PDZRN4: variants seen among roughly 807,000 people sequenced by gnomAD.
PDZRN4 encodes PDZ domain-containing RING finger protein 4.
In PDZRN4, 70 loss-of-function variants were observed where a neutral mutation model predicts 99.0. The ratio of observed to expected loss-of-function variants is 0.71; its 90% confidence interval spans 0.58 to 0.86. The LOEUF is 0.86. Among genes scored for constraint, PDZRN4 ranks in the 40% least tolerant of loss-of-function variants. PDZRN4 has a pLI of 0.00. For missense variants in PDZRN4, 1,474 were observed against 1,331.2 expected (o/e 1.11, Z -1.67); for synonymous variants, 551 against 501.6 (o/e 1.10, Z -1.32).
intron 3 of PDZRN4, among the ~76,000 whole-genome samples, chr12:41,214,252 T>TA (rs60618442): frequency 0.24 from 20,100 of 84,710 alleles, 3,432 homozygotes; most frequent in Non-Finnish European, 0.31. Flanking sequence ...ACCCTGTATT[T>TA]AAAAAAAAAA....
At chr12:41,567,067 C>A (rs1241332933) in intron 8 of PDZRN4, among the ~76,000 whole-genome samples, 2 of 152,174 alleles carry the variant, frequency 1.3e-5, no homozygotes, top group Non-Finnish European at 2.9e-5. Context: ...GTTTTCAACA[C>A]CCATAAACAA....
intron 8 of PDZRN4, among the ~76,000 whole-genome samples, chr12:41,566,721 A>C (rs191338530): frequency 9.1e-4 from 138 of 152,264 alleles, no homozygotes; most frequent in African/African-American, 3.3e-3. Context: ...AAGTTGTAGA[A>C]GTTCAGTTAT....
intron 3 of PDZRN4, among the ~76,000 whole-genome samples, chr12:41,457,807 T>C (rs1592067238): frequency 6.6e-6 from 1 of 152,206 alleles, no homozygotes; most frequent in East Asian, 1.9e-4. Context: ...ATAATGACCA[T>C]CCAATTAAAT....
chr12:41,344,351 A>G (rs779327662), intron 3 of PDZRN4, among the ~76,000 whole-genome samples: 4 of 152,112 alleles, frequency 2.6e-5, no homozygotes, highest in Non-Finnish European at 5.9e-5. Flanking sequence ...TAGTGACAAC[A>G]TATCGAATGG....
chr12:41,299,062 G>A (rs1262960513), intron 3 of PDZRN4, among the ~76,000 whole-genome samples: 4 of 151,940 alleles, frequency 2.6e-5, no homozygotes, highest in Non-Finnish European at 5.9e-5. Context: ...TGCAAGAGTT[G>A]CTCCATGCAT....
intron 3 of PDZRN4, among the ~76,000 whole-genome samples, chr12:41,251,405 T>C (rs2120809310): frequency 6.6e-6 from 1 of 152,280 alleles, no homozygotes; most frequent in South Asian, 2.1e-4. Flanking sequence ...GGGGGCATTT[T>C]CCCTATAAAC....
intron 3 of PDZRN4, among the ~76,000 whole-genome samples, chr12:41,499,053 A>G (rs535061521): frequency 6.6e-6 from 1 of 152,134 alleles, no homozygotes; most frequent in African/African-American, 2.4e-5. Flanking sequence ...AACATAAAGA[A>G]CCTAGGGAAT....
At chr12:41,197,919 G>GTTTTTTTTTTTTTTTTTT (rs764851464) in intron 3 of PDZRN4, among the ~76,000 whole-genome samples, 9 of 113,460 alleles carry the variant, frequency 7.9e-5, no homozygotes, top group African/African-American at 1.4e-4. Flanking sequence ...GTTTTTTCTG[G>GTTTTTTTTTTTTTTTTTT]GTTTTTTTTT....
At chr12:41,515,616 A>C (rs182211561) in intron 5 of PDZRN4, among the ~76,000 whole-genome samples, 2 of 152,194 alleles carry the variant, frequency 1.3e-5, no homozygotes, top group East Asian at 3.9e-4. Context: ...CAAATATTTC[A>C]GATGAGAATC....
intron 3 of PDZRN4, among the ~76,000 whole-genome samples, chr12:41,274,425 G>A (rs1026648249): frequency 1.2e-4 from 19 of 152,262 alleles, no homozygotes; most frequent in Admixed American, 8.5e-4. Context: ...AAAATGCTGA[G>A]CTTGTTTCTA....
chr12:41,571,356 TCTCTCTCTCTCTCTCTCTCTCA>T (rs895933683), intron 9 of PDZRN4, among the ~76,000 whole-genome samples: 1 of 94,672 alleles, frequency 1.1e-5, no homozygotes, highest in Non-Finnish European at 2.0e-5. Flanking sequence ...TCTCTCTCTC[TCTCTCTCTCTCTCTCTCTCTCA>T]CACACACACA....
At chr12:41,317,166 A>T (rs1339496694) in intron 3 of PDZRN4, among the ~76,000 whole-genome samples, 1 of 150,530 alleles carries the variant, frequency 6.6e-6, no homozygotes, top group Non-Finnish European at 1.5e-5. Flanking sequence ...AGAGAGAGAG[A>T]TAAATAGGTA....
At chr12:41,345,677 G>T (rs1824203447) in intron 3 of PDZRN4, among the ~76,000 whole-genome samples, 1 of 152,106 alleles carries the variant, frequency 6.6e-6, no homozygotes, top group South Asian at 2.1e-4. Context: ...AAAATAATTT[G>T]ATCGAGACAG....
chr12:41,529,355 A>T (rs1938622841), intron 5 of PDZRN4, among the ~76,000 whole-genome samples: 1 of 152,118 alleles, frequency 6.6e-6, no homozygotes, highest in East Asian at 1.9e-4. Context: ...CCATGGCCAT[A>T]TTGTCCTAGA....
intron 3 of PDZRN4, among the ~76,000 whole-genome samples, chr12:41,357,115 A>G (rs995786895): frequency 6.6e-6 from 1 of 151,922 alleles, no homozygotes; most frequent in South Asian, 2.1e-4. Context: ...AAATCTAGAA[A>G]GATTTACATT....
intron 3 of PDZRN4, among the ~76,000 whole-genome samples, chr12:41,399,075 C>G (rs1001507524): frequency 1.3e-5 from 2 of 151,934 alleles, no homozygotes; most frequent in Non-Finnish European, 2.9e-5. Context: ...AGCTAAAAAA[C>G]AGAAAACTAG....
chr12:41,195,592 G>GT (rs1488105453), intron 3 of PDZRN4, among the ~76,000 whole-genome samples: 1 of 151,762 alleles, frequency 6.6e-6, no homozygotes, highest in Non-Finnish European at 1.5e-5. Context: ...AAAAAGAAGA[G>GT]TTATCTTTTG....
intron 3 of PDZRN4, among the ~76,000 whole-genome samples, chr12:41,385,815 T>C (rs2121109551): frequency 6.6e-6 from 1 of 152,230 alleles, no homozygotes; most frequent in South Asian, 2.1e-4. Context: ...ACTCATTCTA[T>C]GAGGCTAGCA....
chr12:41,431,441 A>G (rs1307056811), intron 3 of PDZRN4, among the ~76,000 whole-genome samples: 1 of 152,204 alleles, frequency 6.6e-6, no homozygotes, highest in Non-Finnish European at 1.5e-5. Flanking sequence ...CCCAGGGCAC[A>G]CTGACTCCAG....
Sources: allele counts gnomAD v4.1 joint callset (sites outside exome capture counted in the v4.1 genomes callset), GRCh38; gene constraint gnomAD v4.1.1; transcripts MANE v1.5; gene names NCBI Gene and HGNC (gene_info 2026-07-23, HGNC 2026-07-21).